The following PCDH9 variants were observed in gnomAD, a reference collection of about 807,000 sequenced individuals.
The protein encoded by PCDH9 is protocadherin 9.
A neutral mutation model predicts 70.6 loss-of-function variants in PCDH9; 24 were observed. That is an observed-to-expected ratio of 0.34 (90% CI 0.25 to 0.48). The LOEUF (loss-of-function observed/expected upper bound fraction) is 0.48. Among genes scored for constraint, PCDH9 ranks in the 20% least tolerant of loss-of-function variants. The probability of loss-of-function intolerance (pLI) is 0.99; values close to 1 mark genes in which losing one functional copy is unlikely to be tolerated. For synonymous variants in PCDH9, 562 were observed against 558.5 expected (o/e 1.01, Z -0.09); for missense variants, 1,281 against 1,503.6 (o/e 0.85, Z 2.45).
chr13:66,862,605 T>C (rs1566248607), intron 3 of PCDH9, among the ~76,000 whole-genome samples: 1 of 152,238 alleles, frequency 6.6e-6, no homozygotes, highest in Non-Finnish European at 1.5e-5. Context: ...GCTAGTTTTA[T>C]AGTAGTGCAA....
intron 3 of PCDH9, among the ~76,000 whole-genome samples, chr13:66,824,855 T>C (rs2080789943): frequency 1.3e-5 from 2 of 151,352 alleles, no homozygotes; most frequent in Non-Finnish European, 2.9e-5. Context: ...ATGTCCCTAG[T>C]GAAAGTCTTA....
intron 4 of PCDH9, among the ~76,000 whole-genome samples, chr13:66,348,002 C>T (rs1956237428): frequency 6.6e-6 from 1 of 152,200 alleles, no homozygotes; most frequent in African/African-American, 2.4e-5. Flanking sequence ...CAGTCCTAAT[C>T]ACCTCATTCT....
chr13:66,366,711 G>C (rs1284251386), intron 4 of PCDH9, among the ~76,000 whole-genome samples: 2 of 152,062 alleles, frequency 1.3e-5, no homozygotes, highest in Non-Finnish European at 2.9e-5. Flanking sequence ...TGGTAAATGT[G>C]TACAGAGCTC....
intron 3 of PCDH9, among the ~76,000 whole-genome samples, chr13:66,900,712 T>G (rs2082263289): frequency 6.6e-6 from 1 of 151,762 alleles, no homozygotes; most frequent in Admixed American, 6.6e-5. Context: ...AATATAAATT[T>G]AAGAATTTCA....
chr13:66,751,329 T>C (rs1362198514), intron 3 of PCDH9, among the ~76,000 whole-genome samples: 1 of 152,122 alleles, frequency 6.6e-6, no homozygotes, highest in Non-Finnish European at 1.5e-5. Context: ...TCTGGGAGAA[T>C]TGAGCAAGGG....
At chr13:66,447,768 G>A (rs1015049989) in intron 4 of PCDH9, among the ~76,000 whole-genome samples, 1 of 152,120 alleles carries the variant, frequency 6.6e-6, no homozygotes, top group African/African-American at 2.4e-5. Flanking sequence ...ATTTGTAAAA[G>A]GTGGGTATTC....
At chr13:66,391,602 C>G (rs1228407855) in intron 4 of PCDH9, among the ~76,000 whole-genome samples, 1 of 152,094 alleles carries the variant, frequency 6.6e-6, no homozygotes, top group African/African-American at 2.4e-5. Context: ...ATGCTCATTT[C>G]TTGGTATCAT....
chr13:66,909,034 G>C (rs1478338528), intron 2 of PCDH9, among the ~76,000 whole-genome samples: 4 of 151,942 alleles, frequency 2.6e-5, no homozygotes, highest in African/African-American at 9.7e-5. Flanking sequence ...AATGTTACCT[G>C]TATCTATAGT....
At chr13:67,122,772 CAATAATAATAATAATAAT>C (rs56039213) in intron 2 of PCDH9, among the ~76,000 whole-genome samples, 35 of 143,194 alleles carry the variant, frequency 2.4e-4, no homozygotes, top group African/African-American at 8.8e-4. Context: ...GACTCTGTCT[CAATAATAATAATAATAAT>C]AATAATAATA....
At chr13:66,767,688 T>C (rs2079740216) in intron 3 of PCDH9, among the ~76,000 whole-genome samples, 1 of 152,084 alleles carries the variant, frequency 6.6e-6, no homozygotes. Context: ...GAATTCAGGA[T>C]AGAATAATTC....
intron 2 of PCDH9, among the ~76,000 whole-genome samples, chr13:67,027,600 G>A (rs1197012400): frequency 1.3e-5 from 2 of 150,224 alleles, no homozygotes; most frequent in East Asian, 2.0e-4. Context: ...CTTCTGCACA[G>A]CAAAAGAAAC....
chr13:66,980,349 A>G (rs1000584595), intron 2 of PCDH9, among the ~76,000 whole-genome samples: 2 of 152,128 alleles, frequency 1.3e-5, no homozygotes, highest in African/African-American at 4.8e-5. Flanking sequence ...CATTTCCCAC[A>G]AGACAAACAA....
At chr13:66,306,624 G>A (rs889109420) in intron 4 of PCDH9, among the ~76,000 whole-genome samples, 4 of 150,970 alleles carry the variant, frequency 2.6e-5, no homozygotes, top group Non-Finnish European at 5.9e-5. Context: ...AAAGTTTAGC[G>A]ATTTTTTTTA....
intron 3 of PCDH9, among the ~76,000 whole-genome samples, chr13:66,812,801 A>G (rs146047886): frequency 4.6e-5 from 7 of 152,254 alleles, no homozygotes; most frequent in African/African-American, 1.4e-4. Context: ...TAGTTCCATC[A>G]TTTTTCTTTG....
chr13:67,073,153 T>C (rs2085802727), intron 2 of PCDH9, among the ~76,000 whole-genome samples: 1 of 152,122 alleles, frequency 6.6e-6, no homozygotes, highest in South Asian at 2.1e-4. Context: ...CCAAATAGTC[T>C]CAGGTGGAGC....
At chr13:67,025,623 T>A (rs139014906) in intron 2 of PCDH9, among the ~76,000 whole-genome samples, 252 of 152,240 alleles carry the variant, frequency 1.7e-3, no homozygotes, top group South Asian at 4.1e-3. Context: ...TTAAAAGTCA[T>A]TCCATTTCAA....
intron 4 of PCDH9, among the ~76,000 whole-genome samples, chr13:66,478,258 C>G (rs1179077262): frequency 6.6e-6 from 1 of 152,174 alleles, no homozygotes; most frequent in Non-Finnish European, 1.5e-5. Flanking sequence ...ACCAACTAGC[C>G]ATTCCCCAGC....
intron 3 of PCDH9, among the ~76,000 whole-genome samples, chr13:66,645,652 A>G (rs2037003378): frequency 6.6e-6 from 1 of 152,184 alleles, no homozygotes. Context: ...CTAGGATAGA[A>G]GAGTTTAAGA....
chr13:66,886,081 A>G (rs1221457620), intron 3 of PCDH9: 1 of 152,204 alleles, frequency 6.6e-6, no homozygotes, highest in African/African-American at 2.4e-5. Context: ...ACTCAGGTAC[A>G]GTGATCACAA....
Sources: allele counts gnomAD v4.1 joint callset (sites outside exome capture counted in the v4.1 genomes callset), GRCh38; gene constraint gnomAD v4.1.1; transcripts MANE v1.5; gene names NCBI Gene and HGNC (gene_info 2026-07-23, HGNC 2026-07-21).